USP26: variants seen among roughly 807,000 people sequenced by gnomAD.
USP26 encodes ubiquitin specific peptidase 26, also known as ubiquitin carboxyl-terminal hydrolase 26.
For missense variants in USP26, 649 were observed against 642.3 expected (o/e 1.01, Z -0.11); for synonymous variants, 236 against 240.6 (o/e 0.98, Z 0.18).
intron 5 of USP26, among the ~76,000 whole-genome samples, chrX:133,057,868 T>TATATATATATATA (rs1334136831): frequency 2.0e-4 from 2 of 10,155 alleles, no homozygotes; most frequent in African/African-American, 1.1e-3. Context: ...ATATATATAT[T>TATATATATATATA]TTTTTTTTTT....
intron 5 of USP26, among the ~76,000 whole-genome samples, chrX:133,038,721 A>G (rs1399594822): frequency 8.9e-6 from 1 of 112,160 alleles, no homozygotes; most frequent in Non-Finnish European, 1.9e-5. Context: ...TGTTTGGAAT[A>G]GTTTCAGAAG....
At position 133,027,897 on chromosome X, in the gene USP26, TG is replaced by T; in HGVS notation, c.323del (p.Pro108HisfsTer3). ...LDRVHQNEVQ[P>X]PVRPGKGGSV... ...TCCCACCCTTACCAGGTCTCACAGG[TG>T]GCTGAACCTCGTTTTGATGAACTCT... On this transcript the variant is annotated frameshift_variant, in exon 6 of 6. Transcript: ENST00000511190. LOFTEE classifies it low-confidence loss of function (END_TRUNC). 1 of 1,210,627 alleles carries T rather than the reference TG, an allele frequency of 8.3e-7. No homozygotes were observed. The highest frequency in any genetic ancestry group is 1.1e-6 in the Non-Finnish European group (1 of 894,681).
At chrX:133,050,252 C>A (rs2067454485) in intron 5 of USP26, among the ~76,000 whole-genome samples, 1 of 112,009 alleles carries the variant, frequency 8.9e-6, no homozygotes, top group Non-Finnish European at 1.9e-5. Flanking sequence ...CACTCTAGCC[C>A]TTCTCTATGC....
chrX:133,027,833 T>C lies in USP26; in HGVS notation c.388A>G (p.Thr130Ala). The C allele has an allele frequency of 8.3e-7, 1 of 1,206,993 alleles. No individual in the cohort carries two copies. Among genetic ancestry groups the C allele is most frequent in the Non-Finnish European group, 1.1e-6 (1 of 893,101 alleles). The change falls in exon 6 of 6, where the codon ACT becomes GCT. Residue 130 changes from threonine (T) to alanine (A), a missense_variant. Physicochemically the swap from Thr to Ala is moderately conservative, Grantham distance 58. Coordinates refer to ENST00000511190, the MANE Select transcript of USP26 (RefSeq NM_031907.3). ...TTCTCATCAACTTTGTGGAATGAAG[T>C]TTTGTTGATTTCCTTCTGTGTTGTG... ...SSTTQKEINK[T>A]SFHKVDEKSS...
chrX:133,077,417 A>T (rs1347562533), intron 5 of USP26, among the ~76,000 whole-genome samples: 1 of 111,948 alleles, frequency 8.9e-6, no homozygotes, highest in Non-Finnish European at 1.9e-5. Context: ...TGAATTTTTT[A>T]AAAATCTATA....
At chrX:133,093,247 C>G (rs901555002) in intron 1 of USP26, among the ~76,000 whole-genome samples, 10 of 111,043 alleles carry the variant, frequency 9.0e-5, no homozygotes, top group Non-Finnish European at 1.7e-4. Flanking sequence ...AGATTACTGC[C>G]ACTGCACTCC....
chrX:133,029,930 TA>T (rs1369334055), intron 5 of USP26, among the ~76,000 whole-genome samples: 3 of 111,952 alleles, frequency 2.7e-5, no homozygotes, highest in African/African-American at 9.7e-5. Context: ...TTGAGTGGTC[TA>T]ACCACTGCCT....
At position 133,023,601 on chromosome X, in the gene USP26, A is replaced by G. The variant is rs2067333402; in HGVS notation, c.*1878T>C. Among the ~76,000 whole-genome samples, 1 of 111,116 alleles carries G rather than the reference A, an allele frequency of 9.0e-6. No homozygotes were observed. The highest frequency in any genetic ancestry group is 1.9e-5 in the Non-Finnish European group (1 of 53,032). ...GAAGTACTACAGAAGTTGAACAATC[A>G]CTCATTGTGTCTGTAACACCTTCTT... On this transcript the variant is annotated 3_prime_UTR_variant, in exon 6 of 6. Coordinates refer to ENST00000511190, the MANE Select transcript of USP26 (RefSeq NM_031907.3).
intron 5 of USP26, among the ~76,000 whole-genome samples, chrX:133,056,341 G>A (rs749824363): frequency 1.1e-4 from 12 of 111,287 alleles, no homozygotes; most frequent in Admixed American, 1.9e-4. Context: ...ATGACAATTG[G>A]TTTGGGCCTT....
intron 5 of USP26, among the ~76,000 whole-genome samples, chrX:133,073,604 T>C (rs1367715767): frequency 9.0e-6 from 1 of 110,889 alleles, no homozygotes; most frequent in Non-Finnish European, 1.9e-5. Flanking sequence ...GCTGGACAGC[T>C]AAACCCCTAT....
intron 4 of USP26, among the ~76,000 whole-genome samples, chrX:133,087,987 T>C (rs2067595180): frequency 1.8e-5 from 2 of 111,266 alleles, no homozygotes; most frequent in African/African-American, 6.5e-5. Flanking sequence ...CTGGGCAACA[T>C]AGGGACATCC....
chrX:133,086,878 C>G (rs2067591310), intron 4 of USP26, among the ~76,000 whole-genome samples: 1 of 96,768 alleles, frequency 1.0e-5, no homozygotes, highest in Non-Finnish European at 2.0e-5. Flanking sequence ...CACACCACTG[C>G]ACTTCAGTGT....
rs1253727251 is a variant in USP26 at position 133,025,022 on chromosome X, T to C, written c.*457A>G. On this transcript the variant is annotated 3_prime_UTR_variant, in exon 6 of 6. Transcript: ENST00000511190. Reference sequence around the variant, plus strand: ...GGGCAGCATAGTGAGACCCTGTCTCTGCAAAAAGCAAAAAAAAAAAAAAAA... The same window carrying C: ...GGGCAGCATAGTGAGACCCTGTCTCCGCAAAAAGCAAAAAAAAAAAAAAAA... 9.2e-6 allele frequency: 1 copy of C among 109,053 alleles called. No individual in the cohort carries two copies. Among genetic ancestry groups the C allele is most frequent in the Non-Finnish European group, 1.7e-5 (1 of 60,234 alleles). 9.0% of individuals were successfully genotyped at this position (109,053 alleles called of 1,213,427 possible).
rs1438514991 is a variant in USP26 at position 133,025,523 on chromosome X, G to T, written c.2698C>A (p.Gln900Lys). 8.3e-7 allele frequency: 1 copy of T among 1,210,938 alleles called. No homozygotes were observed. The highest frequency in any genetic ancestry group is 1.1e-6 in the Non-Finnish European group (1 of 895,138). Reference sequence around the variant, plus strand: ...TCCTCTACCTCCTTGCTATTAAGCTGGGCATTCTCTTCTCTTTTCAACATC... The same window carrying T: ...TCCTCTACCTCCTTGCTATTAAGCTTGGCATTCTCTTCTCTTTTCAACATC... ...EEMLKREENAQLNSKEVEETL... is the reference protein window; with the variant it reads ...EEMLKREENAKLNSKEVEETL... Residue 900 changes from glutamine (Q) to lysine (K), a missense_variant, in exon 6 of 6, where the codon CAG becomes AAG. By Grantham distance (53) the Gln-to-Lys change is moderately conservative (BLOSUM62 1). Coordinates refer to ENST00000511190, the MANE Select transcript of USP26 (RefSeq NM_031907.3).
At chrX:133,043,132 G>A (rs2067425563) in intron 5 of USP26, among the ~76,000 whole-genome samples, 1 of 111,586 alleles carries the variant, frequency 9.0e-6, no homozygotes. Context: ...CAAATTGAAG[G>A]GGGGACCAGA....
intron 1 of USP26, among the ~76,000 whole-genome samples, chrX:133,096,047 A>ATTTTTTTTTT (rs779131148): frequency 2.5e-4 from 9 of 36,548 alleles, no homozygotes; most frequent in African/African-American, 2.4e-4. Flanking sequence ...GCCCGGCCTA[A>ATTTTTTTTTT]TTTTTTTTTT....
At chrX:133,044,195 T>C (rs2067429364) in intron 5 of USP26, among the ~76,000 whole-genome samples, 1 of 113,128 alleles carries the variant, frequency 8.8e-6, no homozygotes, top group Non-Finnish European at 1.9e-5. Flanking sequence ...CTTATGATAA[T>C]GAGAGGTGAC....
In USP26 at chrX:133,026,446, T is replaced by C. The variant is rs779302072; in HGVS notation, c.1775A>G (p.Lys592Arg). 6.6e-6 allele frequency: 8 copies of C among 1,209,156 alleles called. No individual in the cohort carries two copies. In the Admixed American group the frequency reaches 1.8e-4, roughly 27 times the overall value. ...GNISVSWPAT[K>R]ESKDILAPHI... ...TGGAGCCAGGATATCTTTGGATTCC[T>C]TTGTTGCAGGCCATGATACACTGAT... is the stretch of plus-strand genomic sequence containing the variant. The change falls in exon 6 of 6, where the codon AAG (lysine) becomes AGG (arginine). Residue 592 changes from lysine (K) to arginine (R), a missense_variant. Lys to Arg is a conservative substitution (Grantham distance 26, BLOSUM62 2). Transcript: ENST00000511190.
intron 5 of USP26, among the ~76,000 whole-genome samples, chrX:133,045,181 A>G (rs1475588995): frequency 1.8e-5 from 2 of 111,811 alleles, no homozygotes; most frequent in African/African-American, 6.5e-5. Flanking sequence ...AAATGCACCA[A>G]TCAACACTCT....
Sources: gnomAD v4.1 joint callset for allele counts (sites outside exome capture counted in the v4.1 genomes callset) on GRCh38, gnomAD v4.1.1 for gene constraint, MANE v1.5 for transcripts, NCBI Gene and HGNC (gene_info 2026-07-23, HGNC 2026-07-21) for gene names.